Variants in TTC39B observed in about 807,000 individuals in gnomAD.
TTC39B encodes the protein tetratricopeptide repeat protein 39B.
Under a neutral mutation model 96.6 loss-of-function variants are expected in TTC39B, and 92 were observed. The observed-to-expected ratio is 0.95, with a 90% confidence interval of 0.80 to 1.13. The LOEUF (loss-of-function observed/expected upper bound fraction) is 1.13. Ranked by LOEUF, TTC39B falls within the 50% of genes most tolerant of loss-of-function variation. The pLI, the probability that TTC39B is intolerant of heterozygous loss-of-function variation, is 0.00. For synonymous variants in TTC39B, 367 were observed against 299.4 expected, an observed-to-expected ratio of 1.23 and a Z score of -2.33; for missense variants, 955 against 809.3, an observed-to-expected ratio of 1.18 and a Z score of -2.18.
intron 19 of TTC39B, among the ~76,000 whole-genome samples, chr9:15,172,553 ATTAC>A (rs1817718562): frequency 6.6e-6 from 1 of 152,200 alleles, no homozygotes; most frequent in Non-Finnish European, 1.5e-5. Flanking sequence ...AGGCAGCAGA[ATTAC>A]TTAATGACGT....
chr9:15,232,352 G>A (rs1392631193), intron 2 of TTC39B: 3 of 152,592 alleles, frequency 2.0e-5, no homozygotes, highest in African/African-American at 4.8e-5. Flanking sequence ...CCTAGAAGAG[G>A]TGGAAACGGG....
intron 2 of TTC39B, among the ~76,000 whole-genome samples, chr9:15,239,370 A>T (rs900878789): frequency 1.3e-5 from 2 of 152,224 alleles, no homozygotes; most frequent in African/African-American, 4.8e-5. Context: ...TATCTCAAGG[A>T]GCTAAAAATA....
At chr9:15,175,316 C>T (rs2118477755) in intron 18 of TTC39B, among the ~76,000 whole-genome samples, 181 bp from the exon 19 acceptor site, 1 of 152,104 alleles carries the variant, frequency 6.6e-6, no homozygotes, top group South Asian at 2.1e-4. Flanking sequence ...TGTTCTTTTC[C>T]TATATTAATC....
At chr9:15,178,174 A>G (rs1367058863) in intron 17 of TTC39B, among the ~76,000 whole-genome samples, 1 of 152,062 alleles carries the variant, frequency 6.6e-6, no homozygotes, top group African/African-American at 2.4e-5. Flanking sequence ...CGGCCTTAAG[A>G]TCTTAATTAA....
chr9:15,287,945 CAAAAAAAAA>C (rs762069142), intron 1 of TTC39B, among the ~76,000 whole-genome samples: 1 of 68,950 alleles, frequency 1.5e-5, no homozygotes, highest in Non-Finnish European at 2.6e-5. Context: ...GACTCCATCT[CAAAAAAAAA>C]AAAAAAAAAA....
At chr9:15,199,734 C>CA (rs35361396) in intron 8 of TTC39B, 127 bp downstream of exon 8, 8,010 of 70,410 alleles carry the variant, frequency 0.11, 2,835 homozygotes, top group Admixed American at 0.21. Context: ...GACTCCGTCT[C>CA]AAAAAAAAAA....
intron 2 of TTC39B, among the ~76,000 whole-genome samples, chr9:15,233,423 C>T (rs1235794233): frequency 2.0e-5 from 3 of 152,164 alleles, no homozygotes; most frequent in Non-Finnish European, 1.5e-5. Context: ...CTGGACTGTA[C>T]TGCTGCCATC....
intron 1 of TTC39B, among the ~76,000 whole-genome samples, chr9:15,277,342 T>C (rs12349889): frequency 0.29 from 43,942 of 152,136 alleles, 9,796 homozygotes; most frequent in African/African-American, 0.63. Context: ...GCAGGAGAAT[T>C]GCTTGAACCC....
chr9:15,225,964 A>G, exon 3 of TTC39B: 2 of 1,614,046 alleles, frequency 1.2e-6, no homozygotes, highest in Middle Eastern at 1.7e-4. Flanking sequence ...GTTGTGTATC[A>G]CATGATGCAA....
At chr9:15,276,832 C>G (rs866179862) in intron 1 of TTC39B, among the ~76,000 whole-genome samples, 4 of 152,150 alleles carry the variant, frequency 2.6e-5, no homozygotes, top group Admixed American at 6.5e-5. Context: ...TGTGAGATAA[C>G]TCACAGAACA....
chr9:15,200,192 A>G (rs901999440), intron 7 of TTC39B, among the ~76,000 whole-genome samples: 1 of 152,240 alleles, frequency 6.6e-6, no homozygotes, highest in Non-Finnish European at 1.5e-5. Context: ...ATCCTCACCA[A>G]TTAGGGGCCA....
intron 2 of TTC39B, among the ~76,000 whole-genome samples, chr9:15,230,463 T>A (rs189524405): frequency 6.6e-6 from 1 of 152,232 alleles, no homozygotes; most frequent in African/African-American, 2.4e-5. Flanking sequence ...GGACATTTCA[T>A]ATCAATGGAA....
intron 19 of TTC39B, among the ~76,000 whole-genome samples, chr9:15,173,304 T>A (rs1817758133): frequency 6.6e-6 from 1 of 152,164 alleles, no homozygotes; most frequent in African/African-American, 2.4e-5. Context: ...ATCACCTATA[T>A]ATAAATATTT....
At chr9:15,239,317 G>A (rs946793451) in intron 2 of TTC39B, among the ~76,000 whole-genome samples, 9 of 152,170 alleles carry the variant, frequency 5.9e-5, no homozygotes, top group African/African-American at 1.9e-4. Flanking sequence ...ACTGTTGGTG[G>A]GAACAAACGT....
chr9:15,186,064 T>A lies in TTC39B; in HGVS notation c.1488-658A>T, dbSNP rs147978054. ...ATGACAGTAGGATGGGGAGACTACA[T>A]GTTCCTGGGAGCACTTTCTTATGCA... On this transcript the variant is annotated intron_variant, in intron 15 of 19. Coordinates refer to ENST00000512701, the Ensembl canonical transcript of TTC39B. Among the ~76,000 whole-genome samples the A allele has an allele frequency of 2.2e-3, 342 of 152,284 alleles. 1 individual carries two copies. Among genetic ancestry groups the A allele is most frequent in the African/African-American group, 7.6e-3 (317 of 41,554 alleles).
intron 2 of TTC39B, among the ~76,000 whole-genome samples, chr9:15,255,925 A>G (rs1348561603): frequency 6.6e-6 from 1 of 152,224 alleles, no homozygotes; most frequent in African/African-American, 2.4e-5. Flanking sequence ...TAGGAACTCA[A>G]TGGTGGCTAC....
In TTC39B at chr9:15,267,817, C is replaced by T. The variant is rs192319489; in HGVS notation, c.275+97G>A. On this transcript the variant is annotated intron_variant, in intron 2 of 19. Transcript: ENST00000512701. Reference sequence around the variant, plus strand: ...TTTTTTTTCTGAAAATAGCCATTGCCGTACTCTCCAAAAAATGAGAATGAA... The same window carrying T: ...TTTTTTTTCTGAAAATAGCCATTGCTGTACTCTCCAAAAAATGAGAATGAA... The T allele has an allele frequency of 5.6e-4, 616 of 1,098,322 alleles. 1 individual carries two copies. Among genetic ancestry groups the T allele is most frequent in the Middle Eastern group, 3.1e-3 (11 of 3,602 alleles). The allele number at this position is 1,098,322 out of a possible 1,614,324, so 68.0% of individuals were successfully genotyped here.
chr9:15,224,107 C>T (rs2131397572), intron 3 of TTC39B, among the ~76,000 whole-genome samples: 1 of 152,270 alleles, frequency 6.6e-6, no homozygotes, highest in South Asian at 2.1e-4. Context: ...TCTCCCACTC[C>T]TTCTATTCAC....
chr9:15,286,149 A>T (rs765026544), intron 1 of TTC39B, among the ~76,000 whole-genome samples: 4 of 152,242 alleles, frequency 2.6e-5, no homozygotes, highest in Non-Finnish European at 4.4e-5. Context: ...AAACTACTTT[A>T]CACTATTGCC....
Sources: allele counts gnomAD v4.1 joint callset (sites outside exome capture counted in the v4.1 genomes callset), GRCh38; gene constraint gnomAD v4.1.1; transcripts MANE v1.5; gene names NCBI Gene and HGNC (gene_info 2026-07-23, HGNC 2026-07-21).